GPR158: variants seen among roughly 807,000 people sequenced by gnomAD.
GPR158 encodes metabotropic glycine receptor.
In GPR158, 30 loss-of-function variants were observed where a neutral mutation model predicts 78.2. The observed-to-expected ratio is 0.38, with a 90% CI of 0.29 to 0.52. The LOEUF (loss-of-function observed/expected upper bound fraction) is 0.52, where lower values mean the gene tolerates loss of function less well. Ranked by LOEUF, GPR158 falls within the 20% of genes least tolerant of loss-of-function variation. GPR158 has a pLI of 0.83. For missense variants in GPR158, 1,463 were observed against 1,523.5 expected, an observed-to-expected ratio of 0.96 and a Z score of 0.66; for synonymous variants, 581 against 591.1, an observed-to-expected ratio of 0.98 and a Z score of 0.25.
intron 3 of GPR158, among the ~76,000 whole-genome samples, chr10:25,407,228 A>C (rs1834526857): frequency 6.6e-6 from 1 of 152,200 alleles, no homozygotes; most frequent in Non-Finnish European, 1.5e-5. Flanking sequence ...AATTCAGAAA[A>C]AAAATGTTAT....
chr10:25,380,308 T>C (rs902836918), intron 2 of GPR158, among the ~76,000 whole-genome samples: 2 of 152,196 alleles, frequency 1.3e-5, no homozygotes, highest in Middle Eastern at 3.2e-3. Flanking sequence ...TGTTGTTCTT[T>C]GTAGTTTCAA....
chr10:25,242,452 A>G (rs528830545), intron 2 of GPR158, among the ~76,000 whole-genome samples: 101 of 152,374 alleles, frequency 6.6e-4, no homozygotes, highest in African/African-American at 2.2e-3. Flanking sequence ...AACTAGATTG[A>G]AAGTCAGATT....
At chr10:25,538,945 G>A (rs1168819356) in intron 5 of GPR158, among the ~76,000 whole-genome samples, 1 of 152,158 alleles carries the variant, frequency 6.6e-6, no homozygotes, top group Non-Finnish European at 1.5e-5. Context: ...TTTATTATGT[G>A]TATTAGAATG....
intron 2 of GPR158, among the ~76,000 whole-genome samples, chr10:25,317,395 T>G (rs1379424747): frequency 6.6e-6 from 1 of 152,038 alleles, no homozygotes; most frequent in African/African-American, 2.4e-5. Context: ...TTTCTTCAAT[T>G]CTCCTTGTTA....
chr10:25,475,071 A>G (rs569706091), intron 5 of GPR158, among the ~76,000 whole-genome samples: 2 of 152,314 alleles, frequency 1.3e-5, no homozygotes, highest in South Asian at 4.1e-4. Context: ...CTAGAAAAGT[A>G]TGACATTTGA....
At chr10:25,288,142 C>G (rs77615647) in intron 2 of GPR158, among the ~76,000 whole-genome samples, 1,715 of 152,206 alleles carry the variant, frequency 0.011, 22 homozygotes, top group South Asian at 0.056. Context: ...CCATTTAATT[C>G]TCACAACTTT....
chr10:25,392,159 G>A (rs1158505812), intron 2 of GPR158, among the ~76,000 whole-genome samples: 2 of 152,210 alleles, frequency 1.3e-5, no homozygotes, highest in Non-Finnish European at 2.9e-5. Context: ...TCTTATAACA[G>A]CATGAGAGTG....
intron 4 of GPR158, among the ~76,000 whole-genome samples, chr10:25,461,683 A>G (rs1279543158): frequency 6.6e-6 from 1 of 152,134 alleles, no homozygotes; most frequent in African/African-American, 2.4e-5. Context: ...ACAGATTTTC[A>G]ATATTGATGA....
chr10:25,496,821 A>G (rs967496696), intron 5 of GPR158, among the ~76,000 whole-genome samples: 2 of 152,212 alleles, frequency 1.3e-5, no homozygotes, highest in Admixed American at 6.5e-5. Context: ...GGGAAATTAT[A>G]CACAAACCTT....
chr10:25,544,606 A>T (rs1460546025), intron 5 of GPR158, among the ~76,000 whole-genome samples: 3 of 152,172 alleles, frequency 2.0e-5, no homozygotes, highest in African/African-American at 7.2e-5. Flanking sequence ...TCTTCAGCTT[A>T]GTGGCTTGAT....
chr10:25,379,643 T>G (rs1834127727), intron 2 of GPR158, among the ~76,000 whole-genome samples: 1 of 113,324 alleles, frequency 8.8e-6, no homozygotes. Flanking sequence ...TTTTTGAGGA[T>G]TAGCTTTTTT....
chr10:25,566,199 C>T (rs1052089875), intron 6 of GPR158, among the ~76,000 whole-genome samples: 1 of 152,136 alleles, frequency 6.6e-6, no homozygotes, highest in Non-Finnish European at 1.5e-5. Context: ...GGGCAGTTAA[C>T]ATTCCTTTTA....
intron 2 of GPR158, among the ~76,000 whole-genome samples, chr10:25,314,438 CT>C (rs1272582284): frequency 6.6e-6 from 1 of 152,040 alleles, no homozygotes; most frequent in Non-Finnish European, 1.5e-5. Context: ...GCATCTATGC[CT>C]TTTTAATTTC....
At chr10:25,278,752 GTATT>G (rs1227438324) in intron 2 of GPR158, among the ~76,000 whole-genome samples, 1 of 151,250 alleles carries the variant, frequency 6.6e-6, no homozygotes, top group Non-Finnish European at 1.5e-5. Context: ...AATAATTAAA[GTATT>G]TAAATAATTA....
chr10:25,422,395 A>T (rs1433103005), intron 4 of GPR158, among the ~76,000 whole-genome samples: 1 of 151,966 alleles, frequency 6.6e-6, no homozygotes, highest in Non-Finnish European at 1.5e-5. Context: ...GCACATGTGC[A>T]CTCCTTATGA....
chr10:25,466,392 CT>C (rs139935522), intron 4 of GPR158: 7,922 of 364,376 alleles, frequency 0.022, 160 homozygotes, highest in African/African-American at 0.067. Context: ...GCTGCTCAGG[CT>C]TTTTAATGAT....
chr10:25,497,350 A>G (rs1385088166), intron 5 of GPR158, among the ~76,000 whole-genome samples: 3 of 152,220 alleles, frequency 2.0e-5, no homozygotes, highest in Non-Finnish European at 4.4e-5. Context: ...TGCTTAATAC[A>G]GCACTTCCCA....
chr10:25,185,580 T>C (rs1203405747), intron 1 of GPR158, among the ~76,000 whole-genome samples: 3 of 152,138 alleles, frequency 2.0e-5, no homozygotes, highest in Admixed American at 1.3e-4. Flanking sequence ...TCCCAGCACT[T>C]TGGGATGCCA....
chr10:25,443,592 A>T (rs1468725657), intron 4 of GPR158, among the ~76,000 whole-genome samples: 3 of 139,540 alleles, frequency 2.1e-5, no homozygotes, highest in African/African-American at 8.0e-5. Flanking sequence ...TTTTTTGTAG[A>T]GGTGTCATCT....
Sources: allele counts gnomAD v4.1 joint callset (sites outside exome capture counted in the v4.1 genomes callset), GRCh38; gene constraint gnomAD v4.1.1; transcripts MANE v1.5; gene names NCBI Gene and HGNC (gene_info 2026-07-23, HGNC 2026-07-21).